Variants in FSTL4 observed in about 807,000 individuals in gnomAD.
FSTL4 encodes the protein follistatin like 4, also known as follistatin-related protein 4.
A neutral mutation model predicts 78.2 loss-of-function variants in FSTL4; 28 were observed. That is an observed-to-expected ratio of 0.36 (90% CI 0.27 to 0.49). The LOEUF (loss-of-function observed/expected upper bound fraction) is 0.49. Among genes scored for constraint, FSTL4 ranks in the 20% least tolerant of loss-of-function variants. The pLI, the probability that FSTL4 is intolerant of heterozygous loss-of-function variation, is 0.98. For missense variants in FSTL4, 922 were observed against 1,084.9 expected, an observed-to-expected ratio of 0.85 and a Z score of 2.11; for synonymous variants, 422 against 440.5, an observed-to-expected ratio of 0.96 and a Z score of 0.53.
chr5:133,705,863 ACACACG>A, the FSTL4 span, among the ~76,000 whole-genome samples: 10 of 134,950 alleles, frequency 7.4e-5, no homozygotes, highest in Admixed American at 6.3e-4. Flanking sequence ...GCGCGCACAC[ACACACG>A]CACACACACA....
At chr5:133,743,821 A>G in the FSTL4 span, among the ~76,000 whole-genome samples, 1 of 152,228 alleles carries the variant, frequency 6.6e-6, no homozygotes, top group Admixed American at 6.5e-5. Flanking sequence ...TTTGGTTCCC[A>G]TACCCCAAAG....
At chr5:133,713,200 T>G in the FSTL4 span, among the ~76,000 whole-genome samples, 1 of 152,210 alleles carries the variant, frequency 6.6e-6, no homozygotes. Flanking sequence ...TATAAAGATA[T>G]GTTTACTTTT....
intron 6 of FSTL4, among the ~76,000 whole-genome samples, chr5:133,297,277 C>T (rs1391753305): frequency 2.0e-5 from 3 of 152,162 alleles, no homozygotes; most frequent in Non-Finnish European, 1.5e-5. Flanking sequence ...GAAGAGAACA[C>T]TTGGTTTTCA....
chr5:133,379,670 C>T (rs1014566585), intron 4 of FSTL4, among the ~76,000 whole-genome samples: 2 of 152,066 alleles, frequency 1.3e-5, no homozygotes, highest in African/African-American at 2.4e-5. Context: ...TAAGAAATTA[C>T]AAGAGAAAAT....
At chr5:133,531,091 G>T (rs1035911327) in intron 3 of FSTL4, among the ~76,000 whole-genome samples, 3 of 152,210 alleles carry the variant, frequency 2.0e-5, no homozygotes, top group Admixed American at 2.0e-4. Flanking sequence ...ATGCAGAAAA[G>T]GATGGGCTCA....
chr5:133,508,818 G>C (rs1288367598), intron 3 of FSTL4, among the ~76,000 whole-genome samples: 2 of 152,158 alleles, frequency 1.3e-5, no homozygotes, highest in Admixed American at 6.5e-5. Flanking sequence ...GATGTATTTT[G>C]CCCAGATCCT....
At chr5:133,778,038 T>TG in the FSTL4 span, among the ~76,000 whole-genome samples, 1 of 152,224 alleles carries the variant, frequency 6.6e-6, no homozygotes, top group East Asian at 1.9e-4. Context: ...AGCTTGTCAG[T>TG]GGGGTCTCAG....
intron 3 of FSTL4, among the ~76,000 whole-genome samples, chr5:133,547,532 G>T (rs1416418167): frequency 6.6e-6 from 1 of 152,218 alleles, no homozygotes; most frequent in Non-Finnish European, 1.5e-5. Flanking sequence ...GGTGTTGGGA[G>T]ATGGGGGCTT....
At chr5:133,770,162 T>C in the FSTL4 span, among the ~76,000 whole-genome samples, 9 of 152,166 alleles carry the variant, frequency 5.9e-5, no homozygotes, top group African/African-American at 2.2e-4. Flanking sequence ...TGATTCCATA[T>C]CTTTCCTATT....
At chr5:133,718,338 C>T in the FSTL4 span, among the ~76,000 whole-genome samples, 1 of 152,194 alleles carries the variant, frequency 6.6e-6, no homozygotes, top group Admixed American at 6.5e-5. Context: ...CTCGGCCTCC[C>T]AAAATGCTGG....
chr5:133,701,057 C>T, the FSTL4 span, among the ~76,000 whole-genome samples: 20 of 152,056 alleles, frequency 1.3e-4, no homozygotes, highest in Non-Finnish European at 2.5e-4. Context: ...TGACAACTGT[C>T]CAGGGTTGAC....
At chr5:133,775,539 G>C in the FSTL4 span, among the ~76,000 whole-genome samples, 30,191 of 152,154 alleles carry the variant, frequency 0.2, 3,278 homozygotes, top group East Asian at 0.41. Context: ...AAAAACCACC[G>C]ATTACAGTGT....
chr5:133,498,879 C>A (rs75276086), intron 3 of FSTL4, among the ~76,000 whole-genome samples: 1 of 152,038 alleles, frequency 6.6e-6, no homozygotes, highest in Non-Finnish European at 1.5e-5. Flanking sequence ...TCTGTGAGGT[C>A]TGTTTTAGCA....
chr5:133,807,798 T>C, the FSTL4 span, among the ~76,000 whole-genome samples: 1 of 152,224 alleles, frequency 6.6e-6, no homozygotes, highest in African/African-American at 2.4e-5. Context: ...GTCACACATC[T>C]AGACAGCTTA....
chr5:133,503,229 G>A (rs904381293), intron 3 of FSTL4, among the ~76,000 whole-genome samples: 5 of 152,156 alleles, frequency 3.3e-5, no homozygotes, highest in Non-Finnish European at 5.9e-5. Flanking sequence ...TGCACTAGAA[G>A]CAAAGATGAG....
chr5:133,686,680 G>C, the FSTL4 span, among the ~76,000 whole-genome samples: 1 of 152,168 alleles, frequency 6.6e-6, no homozygotes, highest in Non-Finnish European at 1.5e-5. Flanking sequence ...CACATACAAA[G>C]GGACTTCAGG....
chr5:133,626,698 G>C, the FSTL4 span, among the ~76,000 whole-genome samples: 1 of 151,976 alleles, frequency 6.6e-6, no homozygotes, highest in East Asian at 1.9e-4. Context: ...AAATTTTCCT[G>C]TACCTTTCTA....
At chr5:133,710,365 A>G in the FSTL4 span, among the ~76,000 whole-genome samples, 2 of 152,070 alleles carry the variant, frequency 1.3e-5, no homozygotes, top group Non-Finnish European at 2.9e-5. Context: ...AAGTGAACCA[A>G]ATGTCCCATT....
intron 4 of FSTL4, among the ~76,000 whole-genome samples, chr5:133,320,293 C>T (rs1440700651): frequency 6.6e-6 from 1 of 152,086 alleles, no homozygotes; most frequent in Non-Finnish European, 1.5e-5. Context: ...TCATAGGTTA[C>T]CAAATTCCAG....
Sources: gnomAD v4.1 joint callset for allele counts (sites outside exome capture counted in the v4.1 genomes callset) on GRCh38, gnomAD v4.1.1 for gene constraint, MANE v1.5 for transcripts, NCBI Gene and HGNC (gene_info 2026-07-23, HGNC 2026-07-21) for gene names.